The following B3GNT8 variants were observed in gnomAD, a reference collection of about 807,000 sequenced individuals.
B3GNT8 encodes the protein N-acetyllactosaminide beta-1,3-N-acetylglucosaminyltransferase 8.
For missense variants in B3GNT8, 502 were observed against 530.5 expected (o/e 0.95, Z 0.53); for synonymous variants, 258 against 238.3 (o/e 1.08, Z -0.76).
At position 41,425,548 on chromosome 19, in the gene B3GNT8, C is replaced by G. The variant is rs116514222; in HGVS notation, c.*37G>C. 6.1e-6 allele frequency: 2 copies of G among 330,234 alleles called. No homozygotes were observed. Among genetic ancestry groups the G allele is most frequent in the Non-Finnish European group, 9.0e-6 (2 of 222,754 alleles). 20.5% of individuals were successfully genotyped at this position (330,234 alleles called of 1,614,324 possible). A position where few individuals can be genotyped will look rare whatever the true frequency, so the allele number is the denominator to read the frequency against. Reference sequence around the variant, plus strand: ...GAGCCAGGGGCCGGCCCCAGAGGCCCAGGCCAGGTCAGCACCTCCGCCCTC... The same window carrying G: ...GAGCCAGGGGCCGGCCCCAGAGGCCGAGGCCAGGTCAGCACCTCCGCCCTC... On this transcript the variant is annotated 3_prime_UTR_variant, in exon 2 of 2. Transcript: ENST00000691102.
Position 41,426,072 on chromosome 19 carries a change from C to G in B3GNT8, c.707G>C (p.Cys236Ser). The change falls in exon 2 of 2, where the codon TGC (cysteine) becomes TCC (serine). Residue 236 changes from cysteine (C) to serine (S), a missense_variant. Transcript: ENST00000691102. The surrounding 1 kb of genome is among the most constrained non-coding windows in gnomAD (Gnocchi z 4.9). ...LLLLAWLGRH[C>S]PTVSFVLRAQ... ...TCGCAAGACAAAACTCACGGTGGGG[C>G]AGTGGCGGCCCAGCCAGGCCAGCAG... 6.2e-7 allele frequency: 1 copy of G among 1,613,602 alleles called. No homozygotes were observed. Among genetic ancestry groups the G allele is most frequent in the Non-Finnish European group, 8.5e-7 (1 of 1,179,988 alleles).
rs138486322 is a variant in B3GNT8 at position 41,426,207 on chromosome 19, G to A, written c.572C>T (p.Ala191Val). 438 of 1,613,628 alleles carry A rather than the reference G, an allele frequency of 2.7e-4. 1 individual carries two copies. The African/African-American group carries it at 4.0e-3, about 15-fold the overall frequency. ...CACTAGTGAGTCTAGGTCAGGCCCC[G>A]CCTCACCCACCGGAGACCCTAGCAG... ...LFLLGSPVGEAGPDLDSLVAW... is the reference protein window; with the variant it reads ...LFLLGSPVGEVGPDLDSLVAW... The change falls in exon 2 of 2, where the codon GCG becomes GTG. Residue 191 changes from alanine to valine, a missense_variant. By Grantham distance (64) the Ala-to-Val change is moderately conservative. Transcript: ENST00000691102. The surrounding 1 kb of genome is among the most constrained non-coding windows in gnomAD (Gnocchi z 4.9).
rs142785792 is a variant in B3GNT8, at chr19:41,425,700, G to A, written c.1079C>T (p.Ala360Val). 4.5e-6 allele frequency: 7 copies of A among 1,565,068 alleles called. No individual in the cohort carries two copies. In the South Asian group the frequency reaches 5.9e-5, roughly 13 times the overall value. The change falls in exon 2 of 2, where the codon GCA (alanine) becomes GTA (valine). Residue 360 changes from alanine to valine, a missense_variant. Physicochemically the swap from Ala to Val is moderately conservative, Grantham distance 64 (BLOSUM62 0). Coordinates refer to ENST00000691102, the MANE Select transcript of B3GNT8 (RefSeq NM_001385648.2). ...AGCACAGTGGTCCGCAGTGCGGTCT[G>A]CTGGCCAGGCTGTGAGGAAGCCTGG... ...AHPGFLTAWP[A>V]DRTADHCAFR...
chr19:41,426,288 C>G lies in B3GNT8; in HGVS notation c.491G>C (p.Arg164Pro). The change falls in exon 2 of 2, where the codon CGA becomes CCA. Residue 164 changes from arginine (R) to proline (P), a missense_variant. Coordinates refer to ENST00000691102, the MANE Select transcript of B3GNT8 (RefSeq NM_001385648.2). This position sits in a 1 kb window ranked among gnomAD's most constrained non-coding sequence, Gnocchi z 4.9. ...GCCCCACGTCTCTCTCACGGCCTGT[C>G]GTTCTGCAAAGCGCCCTGGTTCTGA... ...VKSEPGRFAE[R>P]QAVRETWGSP... 1.2e-6 allele frequency: 2 copies of G among 1,613,416 alleles called. No individual in the cohort carries two copies. Among genetic ancestry groups the G allele is most frequent in the Non-Finnish European group, 1.7e-6 (2 of 1,180,024 alleles).
In B3GNT8 at chr19:41,426,789, A is replaced by T. The variant is rs775094559; in HGVS notation, c.-11T>A. 51 of 1,609,608 alleles carry T rather than the reference A, an allele frequency of 3.2e-5. No homozygotes were observed. Among genetic ancestry groups the T allele is most frequent in the Non-Finnish European group, 4.2e-5 (49 of 1,179,706 alleles). On this transcript the variant is annotated 5_prime_UTR_variant, in exon 2 of 2. Coordinates refer to ENST00000691102, the MANE Select transcript of B3GNT8 (RefSeq NM_001385648.2). This position sits in a 1 kb window ranked among gnomAD's most constrained non-coding sequence, Gnocchi z 4.9. ...CTTGGGGCAGCGCATGACCCGGCCC[A>T]GGGAAGGGGCGGCCGCGGGAGCTAC...
chr19:41,425,808 G>A lies in B3GNT8; in HGVS notation c.971C>T (p.Ala324Val). The A allele has an allele frequency of 6.2e-7, 1 of 1,612,826 alleles. No homozygotes were observed. Among genetic ancestry groups the A allele is most frequent in the Non-Finnish European group, 8.5e-7 (1 of 1,179,878 alleles). Residue 324 changes from alanine to valine, a missense_variant, in exon 2 of 2, where the codon GCA (alanine) becomes GTA (valine). Transcript: ENST00000691102. The stretch of plus-strand genomic sequence containing the variant: ...AAAGGGGAAGGGTGCCACACGGGCT[G>A]CCGCCCGCAGCAGCCAGGGTGCCAG... ...GRLAPWLLRA[A>V]ARVAPFPFED...
At chr19:41,427,929 G>T (rs1181025794), upstream of B3GNT8, among the ~76,000 whole-genome samples, 3 of 151,808 alleles carry the variant, frequency 2.0e-5, no homozygotes, top group Non-Finnish European at 4.4e-5. This position sits in a 1 kb window ranked among gnomAD's most constrained non-coding sequence, Gnocchi z 5.6. Flanking sequence ...GGAAGAGACG[G>T]CCAGGGAGCA....
chr19:41,426,581 G>T lies in B3GNT8; in HGVS notation c.198C>A (p.Ile66=), dbSNP rs761048415. 6.2e-7 allele frequency: 1 copy of T among 1,608,508 alleles called. No homozygotes were observed. Among genetic ancestry groups the T allele is most frequent in the Non-Finnish European group, 8.5e-7 (1 of 1,177,378 alleles). The change falls in exon 2 of 2, where the codon ATC becomes ATA. Residue 66 remains isoleucine, a synonymous_variant. Transcript: ENST00000691102. This position sits in a 1 kb window ranked among gnomAD's most constrained non-coding sequence, Gnocchi z 4.9. ...ANLSTRLGQT[I]PLPFAYWNQQ... ...GGTTCCAGTAAGCAAAGGGCAGCGG[G>T]ATAGTCTGGCCCAGGCGGGTGGAGA...
rs373316996 is a variant in B3GNT8, at chr19:41,426,783, C to T, written c.-5G>A. ...AAGGCACTTGGGGCAGCGCATGACC[C>T]GGCCCAGGGAAGGGGCGGCCGCGGG... On this transcript the variant is annotated 5_prime_UTR_variant, in exon 2 of 2. Coordinates refer to ENST00000691102, the MANE Select transcript of B3GNT8 (RefSeq NM_001385648.2). The surrounding 1 kb of genome is among the most constrained non-coding windows in gnomAD (Gnocchi z 4.9). The T allele has an allele frequency of 7.5e-6, 12 of 1,610,386 alleles. No homozygotes were observed. The highest frequency in any genetic ancestry group is 4.5e-5 in the East Asian group (2 of 44,862).
rs764490929 is a variant in B3GNT8, at chr19:41,425,767, C to T, written c.1012G>A (p.Gly338Ser). ...APFPFEDVYT[G>S]LCIRALGLVP... Reference sequence around the variant, plus strand: ...AGGCCCAGGGCTCGGATGCAAAGGCCAGTGTAGACGTCCTCAAAGGGGAAG... The same window carrying T: ...AGGCCCAGGGCTCGGATGCAAAGGCTAGTGTAGACGTCCTCAAAGGGGAAG... Residue 338 changes from glycine (G) to serine (S), a missense_variant, in exon 2 of 2, where the codon GGC (glycine) becomes AGC (serine). Transcript: ENST00000691102. 2 of 1,608,568 alleles carry T rather than the reference C, an allele frequency of 1.2e-6. No homozygotes were observed. The highest frequency in any genetic ancestry group is 1.7e-6 in the Non-Finnish European group (2 of 1,177,234).
rs761122446 is a variant in B3GNT8 at position 41,425,765 on chromosome 19, G to A, written c.1014C>T (p.Gly338=). 2.5e-6 allele frequency: 4 copies of A among 1,608,638 alleles called. No homozygotes were observed. Among genetic ancestry groups the A allele is most frequent in the Non-Finnish European group, 3.4e-6 (4 of 1,177,214 alleles). The change falls in exon 2 of 2, where the codon GGC becomes GGT. Residue 338 remains glycine (G), a synonymous_variant. Coordinates refer to ENST00000691102, the MANE Select transcript of B3GNT8 (RefSeq NM_001385648.2). ...APFPFEDVYT[G]LCIRALGLVP... The stretch of plus-strand genomic sequence containing the variant: ...CCAGGCCCAGGGCTCGGATGCAAAG[G>A]CCAGTGTAGACGTCCTCAAAGGGGA...
rs2039419588 is a variant in B3GNT8 at position 41,425,473 on chromosome 19, T to C, written c.*112A>G. ...GGAGGCCAAGGAGTGGCTTAAGTTG[T>C]CCAGCTTCTGGGCCCTCCTCCCTCC... On this transcript the variant is annotated 3_prime_UTR_variant, in exon 2 of 2. Transcript: ENST00000691102. The C allele has an allele frequency of 2.3e-6, 2 of 888,522 alleles. No homozygotes were observed. The highest frequency in any genetic ancestry group is 3.1e-6 in the Non-Finnish European group (2 of 638,342). The allele number at this position is 888,522 out of a possible 1,614,324, so 55.0% of individuals were successfully genotyped here. A position where few individuals can be genotyped will look rare whatever the true frequency, so the allele number is the denominator to read the frequency against.
chr19:41,425,859 C>T lies in B3GNT8; in HGVS notation c.920G>A (p.Gly307Glu), dbSNP rs757512415. 6.2e-7 allele frequency: 1 copy of T among 1,613,202 alleles called. No individual in the cohort carries two copies. Among genetic ancestry groups the T allele is most frequent in the Non-Finnish European group, 8.5e-7 (1 of 1,179,994 alleles). ...FEGGYPAYASGGGYVIAGRLA... is the reference protein window; with the variant it reads ...FEGGYPAYASEGGYVIAGRLA... ...GCGCCCGGCAATGACGTAGCCACCCCCGCTTGCATAGGCTGGGTAGCCACC... is the reference window on the plus strand; with the variant it reads ...GCGCCCGGCAATGACGTAGCCACCCTCGCTTGCATAGGCTGGGTAGCCACC... The change falls in exon 2 of 2, where the codon GGG (glycine) becomes GAG (glutamate). Residue 307 changes from glycine to glutamate, a missense_variant. Transcript: ENST00000691102.
rs145488809 is a variant in B3GNT8, at chr19:41,426,049, G to A, written c.730C>T (p.Arg244Ter). ...RHCPTVSFVL[R>*]AQDDAFVHTP... Reference sequence around the variant, plus strand: ...TGTACAAAGGCATCGTCCTGAGCTCGCAAGACAAAACTCACGGTGGGGCAG... The same window carrying A: ...TGTACAAAGGCATCGTCCTGAGCTCACAAGACAAAACTCACGGTGGGGCAG... Residue 244 changes from arginine (R) to a stop codon, truncating the protein, a stop_gained, in exon 2 of 2, where the codon CGA becomes TGA. Transcript: ENST00000691102. LOFTEE classifies it low-confidence loss of function (END_TRUNC). The surrounding 1 kb of genome is among the most constrained non-coding windows in gnomAD (Gnocchi z 4.9). The A allele has an allele frequency of 2.2e-5, 35 of 1,613,696 alleles. No individual in the cohort carries two copies. Among genetic ancestry groups the A allele is most frequent in the African/African-American group, 1.5e-4 (11 of 75,030 alleles).
chr19:41,427,978 G>C (rs2039452833), upstream of B3GNT8, among the ~76,000 whole-genome samples: 1 of 151,692 alleles, frequency 6.6e-6, no homozygotes. The surrounding 1 kb of genome is among the most constrained non-coding windows in gnomAD (Gnocchi z 5.6). Flanking sequence ...GATGGAGAGA[G>C]CTGAGGGGGA....
At chr19:41,428,305 C>T (rs1432623979), upstream of B3GNT8, among the ~76,000 whole-genome samples, 1 of 152,104 alleles carries the variant, frequency 6.6e-6, no homozygotes, top group African/African-American at 2.4e-5. The surrounding 1 kb of genome is among the most constrained non-coding windows in gnomAD (Gnocchi z 6.1). Context: ...CCATCCCTCT[C>T]GGCACCCGGG....
At position 41,425,463 on chromosome 19, in the gene B3GNT8, G is replaced by C; in HGVS notation, c.*122C>G. 1 of 775,312 alleles carries C rather than the reference G, an allele frequency of 1.3e-6. No individual in the cohort carries two copies. 48.0% of individuals were successfully genotyped at this position (775,312 alleles called of 1,614,324 possible). ...CCTGGCTGGGGGAGGCCAAGGAGTGGCTTAAGTTGTCCAGCTTCTGGGCCC... is the reference window on the plus strand; with the variant it reads ...CCTGGCTGGGGGAGGCCAAGGAGTGCCTTAAGTTGTCCAGCTTCTGGGCCC... On this transcript the variant is annotated 3_prime_UTR_variant, in exon 2 of 2. Coordinates refer to ENST00000691102, the MANE Select transcript of B3GNT8 (RefSeq NM_001385648.2).
chr19:41,425,584 G>A lies in B3GNT8; in HGVS notation c.*1C>T, dbSNP rs745787768. 6.7e-7 allele frequency: 1 copy of A among 1,495,918 alleles called. No individual in the cohort carries two copies. The highest frequency in any genetic ancestry group is 8.9e-7 in the Non-Finnish European group (1 of 1,121,638). 92.7% of individuals were successfully genotyped at this position (1,495,918 alleles called of 1,614,324 possible). ...AGCACCTCCGCCCTCCCCAATGAGA[G>A]TCAGCACTGGAGCCTTGGGTCTTGC... is the stretch of plus-strand genomic sequence containing the variant. On this transcript the variant is annotated 3_prime_UTR_variant, in exon 2 of 2. Coordinates refer to ENST00000691102, the MANE Select transcript of B3GNT8 (RefSeq NM_001385648.2).
At chr19:41,427,851 C>T (rs574081598), upstream of B3GNT8, among the ~76,000 whole-genome samples, 4 of 149,300 alleles carry the variant, frequency 2.7e-5, no homozygotes, top group Non-Finnish European at 6.0e-5. This position sits in a 1 kb window ranked among gnomAD's most constrained non-coding sequence, Gnocchi z 5.6. Flanking sequence ...GTTGTTGCTG[C>T]CCAGTCAGGG....
Sources: allele counts gnomAD v4.1 joint callset (sites outside exome capture counted in the v4.1 genomes callset), GRCh38; gene constraint gnomAD v4.1.1; non-coding constraint Gnocchi (gnomAD v3.1); transcripts MANE v1.5; gene names NCBI Gene and HGNC (gene_info 2026-07-23, HGNC 2026-07-21).